The following SARDH variants were observed in gnomAD, a reference collection of about 807,000 sequenced individuals.
The protein encoded by SARDH is sarcosine dehydrogenase, mitochondrial.
In SARDH, 95 loss-of-function variants were observed where a neutral mutation model predicts 109.1. The observed-to-expected ratio is 0.87, with a 90% CI of 0.74 to 1.03. The LOEUF (loss-of-function observed/expected upper bound fraction) is 1.03. Among genes scored for constraint, SARDH ranks in the 50% least tolerant of loss-of-function variants. SARDH has a pLI of 0.00. For missense variants in SARDH, 1,267 were observed against 1,287.8 expected (o/e 0.98, Z 0.25); for synonymous variants, 572 against 534.8 (o/e 1.07, Z -0.96).
intron 1 of SARDH, among the ~76,000 whole-genome samples, chr9:133,735,114 C>T (rs939147493): frequency 3.3e-5 from 5 of 152,290 alleles, no homozygotes; most frequent in Non-Finnish European, 7.4e-5. Flanking sequence ...CAGGCAGCCT[C>T]GAGACGGGGC....
chr9:133,696,223 C>T lies in SARDH; in HGVS notation c.1807G>A (p.Gly603Ser). ...TGCCCCCCAACCTCAGGCTCCATACCTGGGGGTCGGCTGACATCTGCGGAG... is the reference window on the plus strand; with the variant it reads ...TGCCCCCCAACCTCAGGCTCCATACTTGGGGGTCGGCTGACATCTGCGGAG... ...LFSADVSRPP[G>S]STVYTCMLNH... Residue 603 changes from glycine to serine, a missense_variant and splice_region_variant, in exon 14 of 21, where the codon GGC becomes AGC. Transcript: ENST00000439388. 1 of 1,613,860 alleles carries T rather than the reference C, an allele frequency of 6.2e-7. No homozygotes were observed. The highest frequency in any genetic ancestry group is 8.5e-7 in the Non-Finnish European group (1 of 1,180,004).
chr9:133,716,646 A>G (rs1832133588), intron 8 of SARDH, among the ~76,000 whole-genome samples: 1 of 152,166 alleles, frequency 6.6e-6, no homozygotes, highest in Non-Finnish European at 1.5e-5. Flanking sequence ...TGCGCTGTGG[A>G]TGACCCACGT....
downstream of SARDH, among the ~76,000 whole-genome samples, chr9:133,659,904 AG>A (rs1832390278): frequency 6.6e-6 from 1 of 152,108 alleles, no homozygotes; most frequent in Non-Finnish European, 1.5e-5. Context: ...GAAGGGTCCC[AG>A]GGTCCTGCCC....
chr9:133,672,074 T>G (rs1409195722), intron 17 of SARDH, among the ~76,000 whole-genome samples: 1 of 152,226 alleles, frequency 6.6e-6, no homozygotes, highest in African/African-American at 2.4e-5. Context: ...AATCACCATG[T>G]GGGCAAGCCA....
At chr9:133,707,942 G>A (rs543551027) in intron 11 of SARDH, among the ~76,000 whole-genome samples, 1 of 152,274 alleles carries the variant, frequency 6.6e-6, no homozygotes, top group South Asian at 2.1e-4. Flanking sequence ...CCAATACGTG[G>A]CTGCATACAC....
At chr9:133,662,807 C>G (rs1415810115), downstream of SARDH, among the ~76,000 whole-genome samples, 1 of 152,216 alleles carries the variant, frequency 6.6e-6, no homozygotes, top group African/African-American at 2.4e-5. The surrounding 1 kb of genome is among the most constrained non-coding windows in gnomAD (Gnocchi z 5.1). Context: ...GCATGCCTGG[C>G]AAGACTGCGC....
At chr9:133,683,417 C>T (rs1830768583) in intron 17 of SARDH, among the ~76,000 whole-genome samples, 1 of 152,230 alleles carries the variant, frequency 6.6e-6, no homozygotes, top group African/African-American at 2.4e-5. Flanking sequence ...GAACCCGCAG[C>T]CCCCCTCCCC....
rs527853657 is a variant in SARDH at position 133,666,963 on chromosome 9, T to A, written c.2496-93A>T. On this transcript the variant is annotated intron_variant, in intron 19 of 20. Transcript: ENST00000439388. The surrounding 1 kb of genome is among the most constrained non-coding windows in gnomAD (Gnocchi z 5.2). Reference sequence around the variant, plus strand: ...TGGAGGAGAATGGGGGGCTGCATGATGCACACCCAACCGTGGCTCCAGGCA... The same window carrying A: ...TGGAGGAGAATGGGGGGCTGCATGAAGCACACCCAACCGTGGCTCCAGGCA... 1.3e-6 allele frequency: 2 copies of A among 1,527,880 alleles called. No individual in the cohort carries two copies. The highest frequency in any genetic ancestry group is 1.4e-5 in the African/African-American group (1 of 73,256). The allele number at this position is 1,527,880 out of a possible 1,614,324, so 94.6% of individuals were successfully genotyped here.
intron 17 of SARDH, among the ~76,000 whole-genome samples, chr9:133,682,026 A>G (rs961839995): frequency 6.6e-6 from 1 of 152,136 alleles, no homozygotes; most frequent in East Asian, 1.9e-4. Flanking sequence ...ATACGGAAGG[A>G]CAGAGAAGAA....
chr9:133,737,630 G>A (rs1040472801), intron 1 of SARDH, among the ~76,000 whole-genome samples: 1 of 151,596 alleles, frequency 6.6e-6, no homozygotes, highest in Non-Finnish European at 1.5e-5. Flanking sequence ...TCCTCCTTCC[G>A]ACTGTGCCCA....
At chr9:133,714,416 G>A (rs974133459) in intron 8 of SARDH, among the ~76,000 whole-genome samples, 1 of 152,214 alleles carries the variant, frequency 6.6e-6, no homozygotes, top group African/African-American at 2.4e-5. Flanking sequence ...AGGGCAGAGG[G>A]CAGAGGCCGG....
At position 133,692,483 on chromosome 9, in the gene SARDH, C is replaced by T. The variant is rs1239527858; in HGVS notation, c.1921+1775G>A. Among the ~76,000 whole-genome samples the T allele has an allele frequency of 1.3e-5, 2 of 152,284 alleles. No homozygotes were observed. Among genetic ancestry groups the T allele is most frequent in the East Asian group, 1.9e-4 (1 of 5,186 alleles). On this transcript the variant is annotated intron_variant, in intron 15 of 20. Transcript: ENST00000439388. The surrounding 1 kb of genome is among the most constrained non-coding windows in gnomAD (Gnocchi z 5.0). ...GGTCACACTGGTTCTCACCTCTACA[C>T]CCTTGTAGCCAGTGGCTCCTCCCCA...
chr9:133,716,620 T>C (rs1164464990), intron 8 of SARDH, among the ~76,000 whole-genome samples: 1 of 152,026 alleles, frequency 6.6e-6, no homozygotes. Flanking sequence ...GCCAGTAGGG[T>C]GGGGTGGGGC....
chr9:133,678,893 T>A (rs866507181), intron 17 of SARDH, among the ~76,000 whole-genome samples: 1 of 152,226 alleles, frequency 6.6e-6, no homozygotes, highest in Non-Finnish European at 1.5e-5. Context: ...ATGCCCCTGA[T>A]AATGGGTGAG....
rs1830895828 is a variant in SARDH, at chr9:133,686,628, C to A, written c.2070-1342G>T. ...GTAAATAGAACTGACTGTGAACACCCTGGCTTGGCACAGCAGGGTGAGGCC... is the reference window on the plus strand; with the variant it reads ...GTAAATAGAACTGACTGTGAACACCATGGCTTGGCACAGCAGGGTGAGGCC... On this transcript the variant is annotated intron_variant, in intron 16 of 20. Transcript: ENST00000439388. This position sits in a 1 kb window ranked among gnomAD's most constrained non-coding sequence, Gnocchi z 4.0. Among the ~76,000 whole-genome samples the A allele has an allele frequency of 8.5e-5, 13 of 152,128 alleles. 1 individual carries two copies. The highest frequency in any genetic ancestry group is 8.5e-4 in the Admixed American group (13 of 15,280).
Position 133,704,778 on chromosome 9 carries a change from G to C in SARDH, c.1554+170C>G. On this transcript the variant is annotated intron_variant, in intron 12 of 20. Coordinates refer to ENST00000439388, the MANE Select transcript of SARDH (RefSeq NM_001134707.2). The surrounding 1 kb of genome is among the most constrained non-coding windows in gnomAD (Gnocchi z 4.5). ...CGGCACAAAGAATGCACTGAGCCTTGGGGGCAGGTCGGCAGGGCTCGGCTT... is the reference window on the plus strand; with the variant it reads ...CGGCACAAAGAATGCACTGAGCCTTCGGGGCAGGTCGGCAGGGCTCGGCTT... Among the ~76,000 whole-genome samples the C allele has an allele frequency of 6.6e-6, 1 of 152,172 alleles. No homozygotes were observed. Among genetic ancestry groups the C allele is most frequent in the South Asian group, 2.1e-4 (1 of 4,830 alleles).
rs569469586 is a variant in SARDH at position 133,682,905 on chromosome 9, G to A, written c.2163+2288C>T. Among the ~76,000 whole-genome samples the A allele has an allele frequency of 1.0e-3, 159 of 152,148 alleles. 4 individuals carry two copies. The highest frequency in any genetic ancestry group is 2.0e-3 in the Non-Finnish European group (135 of 67,902). ...TCAGCCCCTGTGCTGAAACCCATGC[G>A]CAGTGATGGTTGGAAACCGAGCAAT... On this transcript the variant is annotated intron_variant, in intron 17 of 20. Transcript: ENST00000439388.
intron 19 of SARDH, among the ~76,000 whole-genome samples, chr9:133,667,533 T>C (rs999644807): frequency 6.6e-6 from 1 of 151,614 alleles, no homozygotes; most frequent in Admixed American, 6.6e-5. Flanking sequence ...AATACATGAA[T>C]GCTCACTGTA....
At chr9:133,734,286 A>G (rs1349743072) in intron 1 of SARDH, 83 bp from the exon 2 acceptor site, 3 of 932,134 alleles carry the variant, frequency 3.2e-6, no homozygotes, top group African/African-American at 3.4e-5. Context: ...TAAGGGCCCT[A>G]TGGTGTTACC....
Sources: gnomAD v4.1 joint callset for allele counts (sites outside exome capture counted in the v4.1 genomes callset) on GRCh38, gnomAD v4.1.1 for gene constraint, Gnocchi (gnomAD v3.1) non-coding constraint, MANE v1.5 for transcripts, NCBI Gene and HGNC (gene_info 2026-07-23, HGNC 2026-07-21) for gene names.